AFF2: variants seen among roughly 807,000 people sequenced by gnomAD.
AFF2 encodes ALF transcription elongation factor 2.
Under a neutral mutation model 76.9 loss-of-function variants are expected in AFF2, and 14 were observed. That is an observed-to-expected ratio of 0.18 (90% CI 0.12 to 0.28). AFF2 has a LOEUF of 0.28. Ranked by LOEUF, AFF2 falls within the 10% of genes least tolerant of loss-of-function variation. The pLI, the probability that AFF2 is intolerant of heterozygous loss-of-function variation, is 1.00. For missense variants in AFF2, 868 were observed against 1,001.1 expected (o/e 0.87, Z 1.79); for synonymous variants, 398 against 366.7 (o/e 1.09, Z -0.98).
chrX:148,775,989 C>T lies in AFF2; in HGVS notation c.1042-33887C>T, dbSNP rs781797617. On this transcript the variant is annotated intron_variant, in intron 3 of 20. Coordinates refer to ENST00000370460, the MANE Select transcript of AFF2 (RefSeq NM_002025.4). ...CCTGTCATTTACATTAGGTATTTCT[C>T]CTGATGCTCTCCCTCCCCTTGCCCC... 2.7e-5 allele frequency among the ~76,000 whole-genome samples: 3 copies of T among 110,635 alleles called. No individual in the cohort carries two copies. The East Asian group carries it at 8.6e-4, about 32-fold the overall frequency.
intron 3 of AFF2, among the ~76,000 whole-genome samples, chrX:148,698,510 T>C (rs1489809299): frequency 8.9e-6 from 1 of 112,641 alleles, no homozygotes; most frequent in Non-Finnish European, 1.9e-5. Flanking sequence ...AATCAATGAA[T>C]ATGTAATATG....
intron 1 of AFF2, among the ~76,000 whole-genome samples, chrX:148,585,789 G>C (rs1328196952): frequency 4.8e-5 from 5 of 104,772 alleles, no homozygotes; most frequent in Non-Finnish European, 9.8e-5. Flanking sequence ...TGCAGTGAGT[G>C]GAGATCACAC....
At chrX:148,531,912 A>ATTT (rs2052734970) in intron 1 of AFF2, among the ~76,000 whole-genome samples, 2 of 110,735 alleles carry the variant, frequency 1.8e-5, no homozygotes, top group African/African-American at 6.6e-5. Context: ...TTTTTTTAAA[A>ATTT]AAAAAGCAAA....
rs898088174 is a variant in AFF2, at chrX:148,902,273, A to G, written c.1360-1948A>G. 6.3e-5 allele frequency among the ~76,000 whole-genome samples: 7 copies of G among 111,640 alleles called. No homozygotes were observed. In the East Asian group the frequency reaches 1.4e-3, roughly 23 times the overall value. On this transcript the variant is annotated intron_variant, in intron 8 of 20. Transcript: ENST00000370460. ...CTCCTGCCAGTGGCAAGCTCATCCT[A>G]TCACATCCAGCATGCTTTAAAAGGA...
chrX:148,661,806 C>T (rs903131252), intron 2 of AFF2, 102 bp from the exon 3 acceptor site: 38 of 841,545 alleles, frequency 4.5e-5, no homozygotes, highest in Non-Finnish European at 5.9e-5. Flanking sequence ...TAAAGAATCC[C>T]GTATGATAGT....
At chrX:148,858,059 ACT>A (rs2070806135) in intron 7 of AFF2, among the ~76,000 whole-genome samples, 1 of 111,241 alleles carries the variant, frequency 9.0e-6, no homozygotes, top group African/African-American at 3.3e-5. Flanking sequence ...GTGGTATAAA[ACT>A]CTTTTTTTAG....
intron 9 of AFF2, among the ~76,000 whole-genome samples, chrX:148,914,052 C>A (rs1170865193): frequency 5.4e-5 from 6 of 111,433 alleles, no homozygotes; most frequent in Admixed American, 9.5e-5. Flanking sequence ...AAAGACAAAG[C>A]CATTACACTA....
chrX:148,958,859 C>T (rs2072073501), intron 12 of AFF2, among the ~76,000 whole-genome samples: 1 of 111,228 alleles, frequency 9.0e-6, no homozygotes, highest in East Asian at 2.8e-4. Context: ...GGTGATTACT[C>T]AGTTTCCCTG....
At position 148,998,467 on chromosome X, in the gene AFF2, A is replaced by C. The variant is rs182660223; in HGVS notation, c.*7135A>C. The C allele has an allele frequency of 1.9e-4, 22 of 112,937 alleles. No homozygotes were observed. In the Admixed American group the frequency reaches 2.0e-3, roughly 10 times the overall value. 9.3% of individuals were successfully genotyped at this position (112,937 alleles called of 1,213,427 possible). On this transcript the variant is annotated 3_prime_UTR_variant, in exon 21 of 21. Transcript: ENST00000370460. ...CATGCTGTATTATGAAATCGTGATA[A>C]TATAACTGCATTATTACATGGCAGT...
intron 8 of AFF2, among the ~76,000 whole-genome samples, chrX:148,897,922 T>C (rs782380417): frequency 4.2e-4 from 47 of 112,153 alleles, no homozygotes; most frequent in Admixed American, 1.5e-3. Flanking sequence ...GGCTGGCATC[T>C]GCATATTTAC....
chrX:148,732,237 T>C (rs241093), intron 3 of AFF2, among the ~76,000 whole-genome samples: 2 of 91,800 alleles, frequency 2.2e-5, no homozygotes, highest in African/African-American at 4.5e-5. Context: ...TGGAATACTA[T>C]GCAGCCATAA....
intron 3 of AFF2, among the ~76,000 whole-genome samples, chrX:148,671,754 G>T (rs1413477758): frequency 9.1e-6 from 1 of 109,360 alleles, no homozygotes; most frequent in Non-Finnish European, 1.9e-5. Flanking sequence ...ATTCAGCTGG[G>T]GTATTCTTAT....
chrX:148,880,266 G>A (rs984895923), intron 7 of AFF2, among the ~76,000 whole-genome samples: 4 of 111,679 alleles, frequency 3.6e-5, no homozygotes, highest in African/African-American at 9.8e-5. Flanking sequence ...CACCTTTACT[G>A]CAGGGAAGAA....
intron 1 of AFF2, among the ~76,000 whole-genome samples, chrX:148,520,423 A>C (rs1278700421): frequency 1.8e-5 from 2 of 111,954 alleles, no homozygotes; most frequent in Non-Finnish European, 3.8e-5. Context: ...GTTGAGTTCA[A>C]TTCTTTGTAG....
chrX:148,540,586 C>T (rs2052842224), intron 1 of AFF2, among the ~76,000 whole-genome samples: 1 of 111,091 alleles, frequency 9.0e-6, no homozygotes, highest in South Asian at 3.9e-4. Context: ...CTGAGCTTCC[C>T]CCTAAGCAGA....
At chrX:148,733,879 T>A (rs782124890) in intron 3 of AFF2, among the ~76,000 whole-genome samples, 1 of 112,568 alleles carries the variant, frequency 8.9e-6, no homozygotes, top group Non-Finnish European at 1.9e-5. Flanking sequence ...GTATGGTCTA[T>A]AATCTGACAG....
At chrX:148,553,460 A>G (rs942869549) in intron 1 of AFF2, among the ~76,000 whole-genome samples, 8 of 112,350 alleles carry the variant, frequency 7.1e-5, no homozygotes, top group African/African-American at 2.6e-4. Context: ...CATATTTTAT[A>G]GTTACAACAC....
chrX:148,635,080 C>CAT (rs1234736595), intron 1 of AFF2, among the ~76,000 whole-genome samples: 3 of 111,047 alleles, frequency 2.7e-5, no homozygotes, highest in African/African-American at 6.6e-5. Context: ...TGTCCATGTC[C>CAT]ATATATATAT....
At chrX:148,660,875 T>C (rs781878180) in intron 2 of AFF2, among the ~76,000 whole-genome samples, 11 of 112,743 alleles carry the variant, frequency 9.8e-5, no homozygotes, top group African/African-American at 3.5e-4. Context: ...TTGGGGGTGA[T>C]CAACTGAGCT....
Sources: gnomAD v4.1 joint callset for allele counts (sites outside exome capture counted in the v4.1 genomes callset) on GRCh38, gnomAD v4.1.1 for gene constraint, MANE v1.5 for transcripts, NCBI Gene and HGNC (gene_info 2026-07-23, HGNC 2026-07-21) for gene names.